The following ERICH1 variants were observed in gnomAD, a reference collection of about 807,000 sequenced individuals.
The protein encoded by ERICH1 is glutamate rich 1.
Under a neutral mutation model 39.6 loss-of-function variants are expected in ERICH1, and 56 were observed. The observed-to-expected ratio is 1.41, with a 90% CI of 1.14 to 1.77. The LOEUF (loss-of-function observed/expected upper bound fraction) is 1.77, where lower values mean the gene tolerates loss of function less well. ERICH1 is among the 40% of genes most tolerant of loss of function. The pLI, the probability that ERICH1 is intolerant of heterozygous loss-of-function variation, is 0.00. For missense variants in ERICH1, 826 were observed against 575.4 expected, an observed-to-expected ratio of 1.44 and a Z score of -4.45; for synonymous variants, 313 against 223.6, an observed-to-expected ratio of 1.40 and a Z score of -3.57.
intron 3 of ERICH1, among the ~76,000 whole-genome samples, chr8:683,499 G>T (rs952038758): frequency 6.6e-6 from 1 of 152,060 alleles, no homozygotes; most frequent in East Asian, 2.0e-4. Flanking sequence ...TTAAAAAAAT[G>T]GATTCTCGCT....
At chr8:709,662 A>G (rs1669621) in intron 2 of ERICH1, among the ~76,000 whole-genome samples, 2,405 of 152,358 alleles carry the variant, frequency 0.016, 65 homozygotes, top group African/African-American at 0.055. Flanking sequence ...GACGTCACCC[A>G]AAGGATCACC....
At chr8:663,436 C>T (rs545275017), downstream of ERICH1, among the ~76,000 whole-genome samples, 3 of 152,188 alleles carry the variant, frequency 2.0e-5, no homozygotes, top group South Asian at 2.1e-4. Context: ...AGAACATCAC[C>T]GTCACCAGGC....
intron 4 of ERICH1, chr8:669,058 G>C (rs1802757579): frequency 2.2e-6 from 1 of 463,320 alleles, no homozygotes; most frequent in Non-Finnish European, 3.8e-6. Context: ...TGTCTGGTGA[G>C]ACGCCTCCCC....
intron 3 of ERICH1, among the ~76,000 whole-genome samples, chr8:639,399 T>A (rs1005016966): frequency 1.3e-5 from 2 of 152,140 alleles, no homozygotes; most frequent in Non-Finnish European, 2.9e-5. Context: ...CTAGAAGAAG[T>A]GATAGAGAAA....
At chr8:627,537 G>A (rs915443778) in intron 3 of ERICH1, among the ~76,000 whole-genome samples, 1 of 152,212 alleles carries the variant, frequency 6.6e-6, no homozygotes, top group South Asian at 2.1e-4. Flanking sequence ...GTTTTACAAA[G>A]CGTCAGTGCC....
At chr8:635,481 C>T (rs1337147404) in intron 3 of ERICH1, among the ~76,000 whole-genome samples, 1 of 152,234 alleles carries the variant, frequency 6.6e-6, no homozygotes, top group Non-Finnish European at 1.5e-5. Context: ...ACCAACGCCC[C>T]ACCCAGTCCC....
intron 2 of ERICH1, among the ~76,000 whole-genome samples, chr8:710,775 TACTGAAGG>T (rs1314680390): frequency 8.5e-5 from 13 of 152,260 alleles, no homozygotes; most frequent in Non-Finnish European, 1.5e-4. Flanking sequence ...TTCATTCACT[TACTGAAGG>T]ACATCTTCGT....
At chr8:662,422 G>A (rs985140157), downstream of ERICH1, among the ~76,000 whole-genome samples, 1 of 152,336 alleles carries the variant, frequency 6.6e-6, no homozygotes, top group East Asian at 1.9e-4. Flanking sequence ...GGTGAGACGG[G>A]TGGATCACCT....
chr8:716,756 G>A (rs1056209379), intron 1 of ERICH1, among the ~76,000 whole-genome samples: 40 of 152,164 alleles, frequency 2.6e-4, no homozygotes, highest in African/African-American at 9.4e-4. Flanking sequence ...ACTGCCTGGT[G>A]CCTTTAGGAA....
chr8:656,898 CATTT>C, intron 3 of ERICH1: 1 of 946,950 alleles, frequency 1.1e-6, no homozygotes, highest in Non-Finnish European at 1.3e-6. Flanking sequence ...TGGATTAATT[CATTT>C]AAGATAAACA....
Position 655,017 on chromosome 8 carries a change from G to C in ERICH1, c.976+13581C>G, listed in dbSNP as rs537576625. On this transcript the variant is annotated intron_variant, in intron 3 of 3. Coordinates refer to the ERICH1 transcript ENST00000522706. The stretch of plus-strand genomic sequence containing the variant: ...CACTTGGGCACTTTAATTATCTTTA[G>C]TAACAAATTCCCTTCAGCCCAGCTC... Among the ~76,000 whole-genome samples the C allele has an allele frequency of 2.6e-5, 4 of 152,318 alleles. No homozygotes were observed. In the East Asian group the frequency reaches 7.7e-4, roughly 29 times the overall value.
chr8:693,441 AACCAGG>A (rs1809401813), intron 2 of ERICH1, among the ~76,000 whole-genome samples: 1 of 152,282 alleles, frequency 6.6e-6, no homozygotes, highest in Non-Finnish European at 1.5e-5. Flanking sequence ...ATGGAATTAT[AACCAGG>A]ACTTAACCAC....
At chr8:618,214 T>G (rs1232721750) in intron 3 of ERICH1, among the ~76,000 whole-genome samples, 11 of 150,218 alleles carry the variant, frequency 7.3e-5, no homozygotes, top group African/African-American at 2.5e-5. Context: ...AGGTACTTGG[T>G]CCATCTCACT....
intron 4 of ERICH1, among the ~76,000 whole-genome samples, chr8:670,904 C>T (rs527957762): frequency 3.1e-4 from 47 of 151,476 alleles, no homozygotes; most frequent in Admixed American, 9.9e-4. Flanking sequence ...CTGAACCCGC[C>T]GGCCCCTGCT....
At chr8:699,985 G>A (rs1382682532) in intron 2 of ERICH1, among the ~76,000 whole-genome samples, 6 of 130,050 alleles carry the variant, frequency 4.6e-5, no homozygotes, top group Admixed American at 3.9e-4. Context: ...CCGCACACGC[G>A]CACAGACCCT....
At chr8:620,043 G>C (rs1482228403) in intron 3 of ERICH1, among the ~76,000 whole-genome samples, 2 of 152,216 alleles carry the variant, frequency 1.3e-5, no homozygotes, top group Non-Finnish European at 2.9e-5. Context: ...GCCAGGCGTG[G>C]TGGCTCACAC....
In ERICH1 at chr8:677,408, C is replaced by T. The variant is rs563248587; in HGVS notation, c.305-3361G>A. On this transcript the variant is annotated intron_variant, in intron 3 of 5. Transcript: ENST00000262109. ...TTCTGCACAGCCTCCACCACCACAG[C>T]GTGGCACAGGCTGAAGCAGCTCCGC... 9.6e-4 allele frequency among the ~76,000 whole-genome samples: 146 copies of T among 152,342 alleles called. 1 individual carries two copies. Among genetic ancestry groups the T allele is most frequent in the Non-Finnish European group, 1.8e-3 (121 of 68,032 alleles).
intron 3 of ERICH1, among the ~76,000 whole-genome samples, chr8:619,699 G>T (rs1797158749): frequency 6.6e-6 from 1 of 152,100 alleles, no homozygotes; most frequent in Admixed American, 6.5e-5. Context: ...ATATTGTTGG[G>T]TTTGTAACAT....
At chr8:621,970 G>A (rs889355937) in intron 3 of ERICH1, among the ~76,000 whole-genome samples, 1 of 152,122 alleles carries the variant, frequency 6.6e-6, no homozygotes, top group Non-Finnish European at 1.5e-5. Flanking sequence ...ATCCCAGCAC[G>A]TTGGGAGGCC....
Sources: allele counts gnomAD v4.1 joint callset (sites outside exome capture counted in the v4.1 genomes callset), GRCh38; gene constraint gnomAD v4.1.1; transcripts MANE v1.5; gene names NCBI Gene and HGNC (gene_info 2026-07-23, HGNC 2026-07-21).